Variants in DNAJC6 observed in about 807,000 individuals in gnomAD.
The protein encoded by DNAJC6 is auxilin.
Under a neutral mutation model 110.0 loss-of-function variants are expected in DNAJC6, and 34 were observed. The observed-to-expected ratio is 0.31, with a 90% CI of 0.24 to 0.41. The LOEUF (loss-of-function observed/expected upper bound fraction) is 0.41, where lower values mean the gene tolerates loss of function less well. Ranked by LOEUF, DNAJC6 falls within the 10% of genes least tolerant of loss-of-function variation. The pLI, the probability that DNAJC6 is intolerant of heterozygous loss-of-function variation, is 1.00. For missense variants in DNAJC6, 1,031 were observed against 1,207.8 expected (o/e 0.85, Z 2.17); for synonymous variants, 406 against 437.2 (o/e 0.93, Z 0.89).
Position 65,415,784 on chromosome 1 carries a change from G to A in DNAJC6, c.*2759G>A, listed in dbSNP as rs1319368001. 6.6e-6 allele frequency: 1 copy of A among 152,210 alleles called. No homozygotes were observed. 9.4% of individuals were successfully genotyped at this position (152,210 alleles called of 1,614,324 possible). ...TAATGCCGTGAATGAAACACAGTCTGTGTAGGGAATGAGCAAAAAAGTTGA... is the reference window on the plus strand; with the variant it reads ...TAATGCCGTGAATGAAACACAGTCTATGTAGGGAATGAGCAAAAAAGTTGA... On this transcript the variant is annotated 3_prime_UTR_variant, in exon 19 of 19. Coordinates refer to ENST00000371069, the MANE Select transcript of DNAJC6 (RefSeq NM_001256864.2).
At chr1:65,305,911 T>G (rs777738897), upstream of DNAJC6, among the ~76,000 whole-genome samples, 1 of 152,148 alleles carries the variant, frequency 6.6e-6, no homozygotes, top group Non-Finnish European at 1.5e-5. Context: ...AAGCACTTAT[T>G]ATATGTTAGG....
chr1:65,406,971 C>G (rs1423334605), intron 16 of DNAJC6, among the ~76,000 whole-genome samples: 1 of 152,136 alleles, frequency 6.6e-6, no homozygotes, highest in Non-Finnish European at 1.5e-5. Context: ...ATGGCAGGTG[C>G]TATCCTAAGC....
chr1:65,385,312 T>C (rs887380590), intron 6 of DNAJC6, among the ~76,000 whole-genome samples: 10 of 152,216 alleles, frequency 6.6e-5, no homozygotes, highest in Non-Finnish European at 1.2e-4. Flanking sequence ...AATTTCTTCA[T>C]TTTTTTAAAA....
chr1:65,266,056 G>A (rs980453509), intron 1 of DNAJC6, among the ~76,000 whole-genome samples: 5 of 152,220 alleles, frequency 3.3e-5, no homozygotes, highest in African/African-American at 1.2e-4. Flanking sequence ...GGGCTGGCAC[G>A]CAGCCCGTTG....
At chr1:65,408,865 T>G in intron 17 of DNAJC6, 82 bp downstream of exon 17, 1 of 1,505,152 alleles carries the variant, frequency 6.6e-7, no homozygotes, top group Non-Finnish European at 8.9e-7. Flanking sequence ...GCTATCGCCA[T>G]GAGAGTAACC....
intron 4 of DNAJC6, 88 bp from the exon 5 acceptor site, chr1:65,379,314 C>G (rs966483028): frequency 9.2e-6 from 14 of 1,529,026 alleles, no homozygotes; most frequent in Non-Finnish European, 5.3e-6. Context: ...TGTGGTATCA[C>G]TTCCAGAAGA....
intron 1 of DNAJC6, among the ~76,000 whole-genome samples, chr1:65,281,355 T>C (rs958449970): frequency 2.0e-5 from 3 of 152,186 alleles, no homozygotes; most frequent in Non-Finnish European, 2.9e-5. Flanking sequence ...ATTCATAAGG[T>C]TGTACAGTCA....
intron 4 of DNAJC6, among the ~76,000 whole-genome samples, chr1:65,370,691 G>A (rs550962314): frequency 3.3e-5 from 5 of 152,110 alleles, no homozygotes; most frequent in African/African-American, 1.2e-4. Flanking sequence ...CAGCCCAGCT[G>A]GTTGTTTTAG....
intron 1 of DNAJC6, among the ~76,000 whole-genome samples, chr1:65,322,906 G>A (rs897001272): frequency 2.6e-5 from 4 of 152,036 alleles, no homozygotes; most frequent in African/African-American, 9.7e-5. Flanking sequence ...TCATTAGGTA[G>A]GCAATACATA....
Position 65,401,743 on chromosome 1 carries a change from AC to A in DNAJC6, c.2108-16del. The stretch of plus-strand genomic sequence containing the variant: ...TCAAACAACTAACTCATTTTCAATG[AC>A]CTTATTTCCTTTTCAGGAGGCTTTG... On this transcript the variant is annotated splice_polypyrimidine_tract_variant and intron_variant, in intron 14 of 18. Coordinates refer to ENST00000371069, the MANE Select transcript of DNAJC6 (RefSeq NM_001256864.2). The A allele has an allele frequency of 6.3e-7, 1 of 1,596,024 alleles. No homozygotes were observed. Among genetic ancestry groups the A allele is most frequent in the Non-Finnish European group, 8.5e-7 (1 of 1,175,748 alleles).
chr1:65,315,581 T>C (rs1203048898), intron 1 of DNAJC6, among the ~76,000 whole-genome samples: 6 of 152,216 alleles, frequency 3.9e-5, no homozygotes, highest in African/African-American at 1.4e-4. Flanking sequence ...ACCATGTTCA[T>C]ATATGTACAT....
intron 12 of DNAJC6, among the ~76,000 whole-genome samples, chr1:65,394,144 A>T (rs1434828652): frequency 6.6e-6 from 1 of 152,114 alleles, no homozygotes; most frequent in Non-Finnish European, 1.5e-5. Flanking sequence ...ACCTGGTGTG[A>T]CTCTCATGAT....
chr1:65,404,560 A>G (rs1349615025), intron 15 of DNAJC6, among the ~76,000 whole-genome samples: 2 of 152,232 alleles, frequency 1.3e-5, no homozygotes, highest in Admixed American at 1.3e-4. Flanking sequence ...TGTATGAATG[A>G]ATGAAGAACG....
chr1:65,361,697 G>A (rs934703432), intron 1 of DNAJC6, among the ~76,000 whole-genome samples: 1 of 152,172 alleles, frequency 6.6e-6, no homozygotes, highest in African/African-American at 2.4e-5. Context: ...CTAGTTGTAG[G>A]AATTTAAACT....
intron 15 of DNAJC6, among the ~76,000 whole-genome samples, chr1:65,402,274 G>A (rs778441063): frequency 2.0e-5 from 3 of 152,138 alleles, no homozygotes; most frequent in Non-Finnish European, 4.4e-5. Flanking sequence ...ATGCGGTGAT[G>A]TTACCTGTGA....
In DNAJC6 at chr1:65,413,352, A is replaced by T; in HGVS notation, c.*327A>T. ...CAGAGGCCACCACCCATGAAGGCAT[A>T]ACACCCATCACATTGTCTGAGAATA... On this transcript the variant is annotated 3_prime_UTR_variant, in exon 19 of 19. Coordinates refer to ENST00000371069, the MANE Select transcript of DNAJC6 (RefSeq NM_001256864.2). The T allele has an allele frequency of 3.5e-5, 8 of 228,876 alleles. No individual in the cohort carries two copies. The highest frequency in any genetic ancestry group is 1.5e-4 in the South Asian group (2 of 13,542). 14.2% of individuals were successfully genotyped at this position (228,876 alleles called of 1,614,324 possible).
At chr1:65,271,106 T>TTA (rs1653490682) in intron 1 of DNAJC6, among the ~76,000 whole-genome samples, 1 of 152,102 alleles carries the variant, frequency 6.6e-6, no homozygotes, top group Non-Finnish European at 1.5e-5. Context: ...TTAAAAAACA[T>TTA]TATTATTTTT....
Position 65,384,198 on chromosome 1 carries a change from A to G in DNAJC6, c.672A>G (p.Gly224=), listed in dbSNP as rs774712362. The change falls in exon 6 of 19, where the codon GGA becomes GGG. Residue 224 remains glycine (G), a synonymous_variant. Transcript: ENST00000371069. ...KNVCVVHCLD[G]RAASSILVGA... is the part of the protein sequence containing the mutation. ...TTATGCATTTTCTTTGACAGGATGG[A>G]CGGGCGGCATCATCAATTCTGGTTG... is the stretch of plus-strand genomic sequence containing the variant. 1.3e-6 allele frequency: 2 copies of G among 1,515,230 alleles called. No individual in the cohort carries two copies. Among genetic ancestry groups the G allele is most frequent in the Admixed American group, 2.2e-5 (1 of 44,648 alleles). The allele number at this position is 1,515,230 out of a possible 1,614,324, so 93.9% of individuals were successfully genotyped here.
chr1:65,373,366 C>T (rs550381188), intron 4 of DNAJC6, among the ~76,000 whole-genome samples: 2 of 152,164 alleles, frequency 1.3e-5, no homozygotes, highest in South Asian at 4.1e-4. Flanking sequence ...ATACTGTCCT[C>T]TATGGTGATT....
Sources: gnomAD v4.1 joint callset for allele counts (sites outside exome capture counted in the v4.1 genomes callset) on GRCh38, gnomAD v4.1.1 for gene constraint, MANE v1.5 for transcripts, NCBI Gene and HGNC (gene_info 2026-07-23, HGNC 2026-07-21) for gene names.